The following PLPP4 variants were observed in gnomAD, a reference collection of about 807,000 sequenced individuals.
PLPP4 encodes phospholipid phosphatase 4.
Under a neutral mutation model 32.2 loss-of-function variants are expected in PLPP4, and 20 were observed. The ratio of observed to expected loss-of-function variants is 0.62; its 90% CI spans 0.44 to 0.90. The LOEUF is 0.90. Ranked by LOEUF, PLPP4 falls within the 40% of genes least tolerant of loss-of-function variation. The pLI is 0.00. For missense variants in PLPP4, 257 were observed against 353.1 expected, an observed-to-expected ratio of 0.73 and a Z score of 2.18; for synonymous variants, 127 against 133.0, an observed-to-expected ratio of 0.95 and a Z score of 0.31.
At chr10:120,533,460 T>C (rs1464845161) in intron 5 of PLPP4, among the ~76,000 whole-genome samples, 1 of 152,166 alleles carries the variant, frequency 6.6e-6, no homozygotes, top group Non-Finnish European at 1.5e-5. Flanking sequence ...TCTCCTATTC[T>C]GTGGGTTGTA....
At chr10:120,476,598 G>A (rs1393430488) in intron 1 of PLPP4, among the ~76,000 whole-genome samples, 1 of 152,094 alleles carries the variant, frequency 6.6e-6, no homozygotes, top group Non-Finnish European at 1.5e-5. Flanking sequence ...CCACATACTG[G>A]CCCGCCCACT....
intron 5 of PLPP4, among the ~76,000 whole-genome samples, chr10:120,566,057 C>A (rs1367972835): frequency 6.6e-6 from 1 of 151,852 alleles, no homozygotes; most frequent in African/African-American, 2.4e-5. Flanking sequence ...TTTTATTATT[C>A]TTTTATAATG....
chr10:120,567,626 G>A (rs1227907716), intron 5 of PLPP4, among the ~76,000 whole-genome samples: 1 of 152,188 alleles, frequency 6.6e-6, no homozygotes, highest in East Asian at 1.9e-4. Context: ...ACTATCTTGA[G>A]GGAGATCCGG....
chr10:120,556,163 G>T (rs536955894), intron 5 of PLPP4, among the ~76,000 whole-genome samples: 22 of 152,282 alleles, frequency 1.4e-4, no homozygotes, highest in African/African-American at 4.6e-4. Context: ...AACAAATCAG[G>T]ATATTTTCCT....
intron 5 of PLPP4, among the ~76,000 whole-genome samples, chr10:120,527,999 A>G (rs557706660): frequency 6.6e-6 from 1 of 151,366 alleles, no homozygotes; most frequent in South Asian, 2.1e-4. Flanking sequence ...GTTTTGCTTC[A>G]TTTAATGGAA....
chr10:120,567,192 T>C (rs1848730580), intron 5 of PLPP4, among the ~76,000 whole-genome samples: 1 of 152,222 alleles, frequency 6.6e-6, no homozygotes, highest in African/African-American at 2.4e-5. Context: ...TCTGCTACAC[T>C]GCTAGAAATA....
intron 5 of PLPP4, among the ~76,000 whole-genome samples, chr10:120,528,326 G>T (rs1317332093): frequency 6.6e-6 from 1 of 151,956 alleles, no homozygotes; most frequent in Non-Finnish European, 1.5e-5. Flanking sequence ...CGTCCGCCTC[G>T]GCCTCCCAAA....
chr10:120,504,140 C>T (rs1218819173), intron 2 of PLPP4, among the ~76,000 whole-genome samples: 1 of 152,160 alleles, frequency 6.6e-6, no homozygotes, highest in African/African-American at 2.4e-5. Flanking sequence ...TCCCTGGTAC[C>T]ACAAAGAAAT....
chr10:120,482,624 G>A (rs977288592), intron 1 of PLPP4, among the ~76,000 whole-genome samples: 9 of 152,104 alleles, frequency 5.9e-5, no homozygotes, highest in Admixed American at 2.6e-4. Context: ...AAATCCTGTC[G>A]CCAGGCGCAG....
At chr10:120,457,443 GC>G in intron 1 of PLPP4, 82 bp downstream of exon 1, 1 of 1,318,620 alleles carries the variant, frequency 7.6e-7, no homozygotes, top group Admixed American at 2.2e-5. Flanking sequence ...AACTTAGTTT[GC>G]GCAGCCGCTT....
intron 2 of PLPP4, among the ~76,000 whole-genome samples, chr10:120,504,651 C>T (rs558488661): frequency 4.4e-4 from 67 of 152,330 alleles, no homozygotes; most frequent in African/African-American, 1.5e-3. Context: ...AACTTTTCTA[C>T]TTTCTACAAG....
chr10:120,562,342 T>C (rs978781003), intron 5 of PLPP4, among the ~76,000 whole-genome samples: 9 of 152,192 alleles, frequency 5.9e-5, no homozygotes, highest in Admixed American at 5.2e-4. Context: ...CCATAAATTA[T>C]TTTGAGTTTT....
At chr10:120,581,519 G>C (rs1193214000) in intron 6 of PLPP4, among the ~76,000 whole-genome samples, 1 of 152,136 alleles carries the variant, frequency 6.6e-6, no homozygotes, top group African/African-American at 2.4e-5. Context: ...GTCCTGCCAT[G>C]GTCCATAAGA....
intron 5 of PLPP4, 143 bp from the exon 6 acceptor site, chr10:120,574,988 G>A (rs1849146370): frequency 1.3e-6 from 1 of 742,124 alleles, no homozygotes; most frequent in Non-Finnish European, 2.3e-6. Context: ...GCTAGCAGGA[G>A]CACAGATTGC....
chr10:120,584,615 C>A (rs1849668339), intron 6 of PLPP4, among the ~76,000 whole-genome samples: 1 of 152,160 alleles, frequency 6.6e-6, no homozygotes, highest in Non-Finnish European at 1.5e-5. Flanking sequence ...AAGTGTTTTT[C>A]CCCCAATAAG....
intron 6 of PLPP4, among the ~76,000 whole-genome samples, chr10:120,580,642 T>TACACAC (rs59076083): frequency 0.25 from 23,699 of 95,562 alleles, 2,478 homozygotes; most frequent in Non-Finnish European, 0.32. Flanking sequence ...CTCTGTCTCT[T>TACACAC]ACACACACAC....
At chr10:120,513,855 G>A in intron 2 of PLPP4, 56 bp from the exon 3 acceptor site, 1 of 1,308,816 alleles carries the variant, frequency 7.6e-7, no homozygotes, top group Non-Finnish European at 1.1e-6. Flanking sequence ...TTATCAATCA[G>A]CCCTTCTGAT....
At chr10:120,572,993 A>G (rs946954504) in intron 5 of PLPP4, among the ~76,000 whole-genome samples, 1 of 152,178 alleles carries the variant, frequency 6.6e-6, no homozygotes, top group Non-Finnish European at 1.5e-5. Flanking sequence ...GATGTTATTC[A>G]TCAGACCTAA....
chr10:120,544,939 A>T (rs1847541940), intron 5 of PLPP4, among the ~76,000 whole-genome samples: 1 of 152,220 alleles, frequency 6.6e-6, no homozygotes, highest in Admixed American at 6.5e-5. Flanking sequence ...ATGCCAGAAG[A>T]AGAGAAGGGT....
Sources: allele counts gnomAD v4.1 joint callset (sites outside exome capture counted in the v4.1 genomes callset), GRCh38; gene constraint gnomAD v4.1.1; transcripts MANE v1.5; gene names NCBI Gene and HGNC (gene_info 2026-07-23, HGNC 2026-07-21).